Variants in SASH1 observed in about 807,000 individuals in gnomAD.
SASH1 encodes SAM and SH3 domain-containing protein 1.
SASH1 carries 44 observed loss-of-function variants against 125.2 expected under a neutral mutation model. The ratio of observed to expected loss-of-function variants is 0.35; its 90% CI spans 0.28 to 0.45. The LOEUF (loss-of-function observed/expected upper bound fraction) is 0.45. Ranked by LOEUF, SASH1 falls within the 20% of genes least tolerant of loss-of-function variation. The probability of loss-of-function intolerance (pLI) is 1.00; values close to 1 mark genes in which losing one functional copy is unlikely to be tolerated. For missense variants in SASH1, 1,426 were observed against 1,614.5 expected, an observed-to-expected ratio of 0.88 and a Z score of 2.00; for synonymous variants, 639 against 649.1, an observed-to-expected ratio of 0.98 and a Z score of 0.24.
chr6:148,487,918 G>GTT lies in SASH1; in HGVS notation c.729+216_729+217dup, dbSNP rs1383262363. Among the ~76,000 whole-genome samples, 311 of 136,040 alleles carry GTT rather than the reference G, an allele frequency of 2.3e-3. 3 individuals carry two copies. Among genetic ancestry groups the GTT allele is most frequent in the African/African-American group, 7.4e-3 (276 of 37,284 alleles). The allele number at this position is 136,040 out of a possible 152,430, so 89.2% of individuals were successfully genotyped here. ...AATAGTGTTATCATGCTGGGGTTTT[G>GTT]TTTTTTTTTTTTTTAATTGCAGTAA... On this transcript the variant is annotated intron_variant, in intron 8 of 19. Transcript: ENST00000367467.
At chr6:148,466,399 G>T (rs913351664) in intron 4 of SASH1, among the ~76,000 whole-genome samples, 1 of 152,240 alleles carries the variant, frequency 6.6e-6, no homozygotes, top group Non-Finnish European at 1.5e-5. Flanking sequence ...ATGGCACCCA[G>T]TGGTCAGCCC....
At chr6:148,487,583 C>G (rs1165944012) in intron 7 of SASH1, 31 bp from the exon 8 acceptor site, 1 of 1,529,448 alleles carries the variant, frequency 6.5e-7, no homozygotes, top group African/African-American at 1.4e-5. Flanking sequence ...GCCATTCTTT[C>G]CATTTCAGTA....
the SASH1 span, among the ~76,000 whole-genome samples, chr6:148,212,676 A>C: frequency 6.6e-6 from 1 of 152,210 alleles, no homozygotes; most frequent in East Asian, 1.9e-4. Context: ...GCAAAGCCTG[A>C]ATTTCTAAAC....
intron 1 of SASH1, among the ~76,000 whole-genome samples, chr6:148,357,406 A>G (rs1288047444): frequency 6.6e-6 from 1 of 152,180 alleles, no homozygotes; most frequent in East Asian, 1.9e-4. Flanking sequence ...ATATCTTTGC[A>G]CACTGCCCCA....
intron 2 of SASH1, among the ~76,000 whole-genome samples, chr6:148,402,203 T>G (rs1364269995): frequency 6.6e-6 from 1 of 152,226 alleles, no homozygotes; most frequent in Non-Finnish European, 1.5e-5. Flanking sequence ...GGTACGGTAC[T>G]TTATCTGCCT....
chr6:148,230,190 C>A, the SASH1 span, among the ~76,000 whole-genome samples: 1 of 152,272 alleles, frequency 6.6e-6, no homozygotes, highest in East Asian at 1.9e-4. Flanking sequence ...TGGATTCTTT[C>A]ACGCACCACA....
chr6:148,434,576 G>A (rs937087854), intron 2 of SASH1, among the ~76,000 whole-genome samples: 1 of 151,970 alleles, frequency 6.6e-6, no homozygotes, highest in African/African-American at 2.4e-5. Flanking sequence ...CACTTAACTT[G>A]GGATGGTTTC....
chr6:148,243,266 C>T, the SASH1 span, among the ~76,000 whole-genome samples: 1 of 152,012 alleles, frequency 6.6e-6, no homozygotes, highest in African/African-American at 2.4e-5. Flanking sequence ...GCCTGACCAA[C>T]ATGGAGAAAC....
intron 16 of SASH1, among the ~76,000 whole-genome samples, chr6:148,536,827 A>G (rs73017015): frequency 0.17 from 25,274 of 152,134 alleles, 2,586 homozygotes; most frequent in South Asian, 0.25. Context: ...ATTTTGTAGG[A>G]GGGTATCGCT....
intron 4 of SASH1, among the ~76,000 whole-genome samples, chr6:148,448,696 C>A (rs936220340): frequency 5.3e-5 from 8 of 152,284 alleles, no homozygotes; most frequent in African/African-American, 1.9e-4. Flanking sequence ...TTTAGGTACT[C>A]ATTGTAGATT....
chr6:148,212,202 A>T, the SASH1 span, among the ~76,000 whole-genome samples: 1 of 152,152 alleles, frequency 6.6e-6, no homozygotes, highest in East Asian at 1.9e-4. Flanking sequence ...AATCATCTTC[A>T]CCCAGAGCAT....
intron 1 of SASH1, among the ~76,000 whole-genome samples, chr6:148,363,551 C>A (rs983672676): frequency 6.6e-6 from 1 of 152,082 alleles, no homozygotes; most frequent in Non-Finnish European, 1.5e-5. Context: ...CAGGCGCCCG[C>A]CACCACACCC....
rs542960139 is a variant in SASH1 at position 148,533,144 on chromosome 6, C to T, written c.1734+178C>T. Among the ~76,000 whole-genome samples the T allele has an allele frequency of 1.3e-5, 2 of 152,270 alleles. No homozygotes were observed. The highest frequency in any genetic ancestry group is 6.5e-5 in the Admixed American group (1 of 15,302). On this transcript the variant is annotated intron_variant, in intron 14 of 19. Coordinates refer to ENST00000367467, the MANE Select transcript of SASH1 (RefSeq NM_015278.5). This position sits in a 1 kb window ranked among gnomAD's most constrained non-coding sequence, Gnocchi z 6.2. ...AACAGAACAAGAACCAGCCAGCCCT[C>T]GAGGCAGAGGGAGGGTCTCGTGTTA...
chr6:148,209,934 T>C, the SASH1 span, among the ~76,000 whole-genome samples: 1 of 151,998 alleles, frequency 6.6e-6, no homozygotes, highest in Non-Finnish European at 1.5e-5. Context: ...ACACACAGTG[T>C]ATTTTTTTTC....
intron 1 of SASH1, among the ~76,000 whole-genome samples, chr6:148,326,669 T>TG (rs1178148933): frequency 6.6e-6 from 1 of 151,968 alleles, no homozygotes; most frequent in African/African-American, 2.4e-5. Context: ...TCCAAAGTGC[T>TG]GGGATTACAG....
chr6:148,419,456 A>C (rs1348279876), intron 2 of SASH1, among the ~76,000 whole-genome samples: 1 of 152,174 alleles, frequency 6.6e-6, no homozygotes. Flanking sequence ...GGCTCTTTAA[A>C]AAACAGATCT....
chr6:148,248,518 T>C, the SASH1 span, among the ~76,000 whole-genome samples: 3 of 151,844 alleles, frequency 2.0e-5, no homozygotes, highest in Non-Finnish European at 4.4e-5. Context: ...TACAGGTACA[T>C]TTGTCAGGGG....
In SASH1 at chr6:148,371,362, T is replaced by G. The variant is rs1421003749; in HGVS notation, c.157-18772T>G. Among the ~76,000 whole-genome samples, 6 of 152,094 alleles carry G rather than the reference T, an allele frequency of 3.9e-5. No individual in the cohort carries two copies. The East Asian group carries it at 1.2e-3, about 29-fold the overall frequency. ...ACCTCTGCCTCCTAGGTTCAAGTGA[T>G]TCTCCTGCCTCAGCCTCCTGAGTAG... On this transcript the variant is annotated intron_variant, in intron 1 of 19. Transcript: ENST00000367467.
chr6:148,548,671 CTGGCGTG>C lies in SASH1; in HGVS notation c.*118_*124del. The C allele has an allele frequency of 7.6e-7, 1 of 1,312,114 alleles. No individual in the cohort carries two copies. 81.3% of individuals were successfully genotyped at this position (1,312,114 alleles called of 1,614,324 possible). On this transcript the variant is annotated 3_prime_UTR_variant, in exon 20 of 20. Coordinates refer to ENST00000367467, the MANE Select transcript of SASH1 (RefSeq NM_015278.5). ...TGCAGACCAGATCCAGAAGAAAGGC[CTGGCGTG>C]TGGCCAAACAGCGTGAAACCTTGGC...
Sources: allele counts gnomAD v4.1 joint callset (sites outside exome capture counted in the v4.1 genomes callset), GRCh38; gene constraint gnomAD v4.1.1; non-coding constraint Gnocchi (gnomAD v3.1); transcripts MANE v1.5; gene names NCBI Gene and HGNC (gene_info 2026-07-23, HGNC 2026-07-21).